The following IGF2BP1 variants were observed in gnomAD, a reference collection of about 807,000 sequenced individuals.
IGF2BP1 encodes insulin like growth factor 2 mRNA binding protein 1.
IGF2BP1 carries 11 observed loss-of-function variants against 74.9 expected under a neutral mutation model. The ratio of observed to expected loss-of-function variants is 0.15; its 90% CI spans 0.09 to 0.24. The LOEUF (loss-of-function observed/expected upper bound fraction) is 0.24, where lower values mean the gene tolerates loss of function less well. Among genes scored for constraint, IGF2BP1 ranks in the 10% least tolerant of loss-of-function variants. IGF2BP1 has a pLI of 1.00. For missense variants in IGF2BP1, 440 were observed against 757.4 expected, an observed-to-expected ratio of 0.58 and a Z score of 4.92; for synonymous variants, 287 against 281.8, an observed-to-expected ratio of 1.02 and a Z score of -0.18.
At chr17:49,034,276 C>T (rs2041958274) in intron 5 of IGF2BP1, among the ~76,000 whole-genome samples, 2 of 151,916 alleles carry the variant, frequency 1.3e-5, no homozygotes, top group African/African-American at 2.4e-5. Flanking sequence ...TGCCACCATG[C>T]CTGGCAATTT....
intron 9 of IGF2BP1, among the ~76,000 whole-genome samples, chr17:49,042,738 G>A (rs891429310): frequency 1.3e-5 from 2 of 151,950 alleles, no homozygotes; most frequent in African/African-American, 2.4e-5. Context: ...GCACAATGGC[G>A]CAATCATAGC....
chr17:49,020,299 C>T (rs537424216), intron 2 of IGF2BP1, among the ~76,000 whole-genome samples: 1 of 152,200 alleles, frequency 6.6e-6, no homozygotes, highest in Admixed American at 6.5e-5. Flanking sequence ...ACCTCGGTCT[C>T]CCAGGGTGCT....
At chr17:49,040,201 G>A in intron 7 of IGF2BP1, 110 bp downstream of exon 7, 1 of 1,199,556 alleles carries the variant, frequency 8.3e-7, no homozygotes, top group Admixed American at 2.2e-5. Context: ...GTCAGCAATT[G>A]CACAAAAAGA....
At position 48,999,170 on chromosome 17, in the gene IGF2BP1, G is replaced by A; in HGVS notation, c.236+1G>A. On this transcript the variant is annotated splice_donor_variant, in intron 2 of 14. Coordinates refer to ENST00000290341, the MANE Select transcript of IGF2BP1 (RefSeq NM_006546.4). LOFTEE classifies it high-confidence loss of function. ...AACATTCGGTGCCCAAAAAACAAAG[G>A]TAGGAAAGAGCTCTTTTCGGGGGGG... 9.2e-7 allele frequency: 1 copy of A among 1,091,068 alleles called. No individual in the cohort carries two copies. The highest frequency in any genetic ancestry group is 1.3e-6 in the Non-Finnish European group (1 of 758,866). 67.6% of individuals were successfully genotyped at this position (1,091,068 alleles called of 1,614,324 possible).
chr17:49,015,673 C>T (rs563319161), intron 2 of IGF2BP1, among the ~76,000 whole-genome samples: 1 of 152,334 alleles, frequency 6.6e-6, no homozygotes, highest in African/African-American at 2.4e-5. Context: ...CACTTCTCCC[C>T]TTTGGGAGCC....
chr17:49,052,435 G>A lies in IGF2BP1; in HGVS notation c.*2991G>A, dbSNP rs1026785598. The A allele has an allele frequency of 6.6e-6, 1 of 152,160 alleles. No homozygotes were observed. Among genetic ancestry groups the A allele is most frequent in the Admixed American group, 6.5e-5 (1 of 15,274 alleles). The allele number at this position is 152,160 out of a possible 1,614,324, so 9.4% of individuals were successfully genotyped here. On this transcript the variant is annotated 3_prime_UTR_variant, in exon 15 of 15. Coordinates refer to ENST00000290341, the MANE Select transcript of IGF2BP1 (RefSeq NM_006546.4). ...TGGGGGCCTGCTCCCTTCACACCTT[G>A]AGCCCAAGTCCTTTTCCGTTGGCTG...
chr17:49,039,686 A>C (rs1024276009), intron 6 of IGF2BP1, among the ~76,000 whole-genome samples: 1 of 151,846 alleles, frequency 6.6e-6, no homozygotes, highest in Non-Finnish European at 1.5e-5. Context: ...CTCGGCCTCC[A>C]AAAGTGCTGG....
chr17:49,026,699 T>TCCTGCCTTCCTGCCTTCCTGCCTTCCTG (rs2041861849), intron 4 of IGF2BP1, among the ~76,000 whole-genome samples, 182 bp downstream of exon 4: 1 of 107,038 alleles, frequency 9.3e-6, no homozygotes, highest in Non-Finnish European at 2.4e-5. Context: ...CTTCCTGCCT[T>TCCTGCCTTCCTGCCTTCCTGCCTTCCTG]CCTGCCTTCC....
rs533904018 is a variant in IGF2BP1 at position 49,052,038 on chromosome 17, A to C, written c.*2594A>C. 2.6e-5 allele frequency: 4 copies of C among 152,282 alleles called. No homozygotes were observed. The highest frequency in any genetic ancestry group is 9.6e-5 in the African/African-American group (4 of 41,546). The allele number at this position is 152,282 out of a possible 1,614,324, so 9.4% of individuals were successfully genotyped here. A position where few individuals can be genotyped will look rare whatever the true frequency, so the allele number is the denominator to read the frequency against. On this transcript the variant is annotated 3_prime_UTR_variant, in exon 15 of 15. Coordinates refer to ENST00000290341, the MANE Select transcript of IGF2BP1 (RefSeq NM_006546.4). The stretch of plus-strand genomic sequence containing the variant: ...AGGGTGGCTGGTGGCAAGGAGGGGC[A>C]GGGGATATGGGGACGTGACTGGGAC...
At position 49,038,874 on chromosome 17, in the gene IGF2BP1, A is replaced by ATCTTTTTTTTTTTTTT. The variant is rs1491495832; in HGVS notation, c.683+426_683+427insCTTTTTTTTTTTTTTT. Among the ~76,000 whole-genome samples the ATCTTTTTTTTTTTTTT allele has an allele frequency of 1.7e-4, 13 of 75,280 alleles. 1 individual carries two copies. The highest frequency in any genetic ancestry group is 5.6e-4 in the African/African-American group (10 of 17,866). 49.4% of individuals were successfully genotyped at this position (75,280 alleles called of 152,430 possible). ...CTGCCACTGCCACCTTCTTTCTTTAATATTTTTTTTTTTTTTTTTTTGAGA... is the reference window on the plus strand; with the variant it reads ...CTGCCACTGCCACCTTCTTTCTTTAATCTTTTTTTTTTTTTTTATTTTTTTTTTTTTTTTTTTGAGA... On this transcript the variant is annotated intron_variant, in intron 6 of 14. Coordinates refer to ENST00000290341, the MANE Select transcript of IGF2BP1 (RefSeq NM_006546.4).
Position 48,997,534 on chromosome 17 carries a change from TCTC to T in IGF2BP1, c.-209_-207del, listed in dbSNP as rs777017487. ...CGTCTCCCTGCGCGCCGCGGGCACT[TCTC>T]CTGGGCTCTCCCCGAACTCTCCCGC... On this transcript the variant is annotated 5_prime_UTR_variant, in exon 1 of 15. Coordinates refer to ENST00000290341, the MANE Select transcript of IGF2BP1 (RefSeq NM_006546.4). The surrounding 1 kb of genome is among the most constrained non-coding windows in gnomAD (Gnocchi z 4.8). The T allele has an allele frequency of 2.6e-4, 140 of 532,430 alleles. No homozygotes were observed. The highest frequency in any genetic ancestry group is 9.8e-4 in the Middle Eastern group (2 of 2,042). The allele number at this position is 532,430 out of a possible 1,614,324, so 33.0% of individuals were successfully genotyped here. A position where few individuals can be genotyped will look rare whatever the true frequency, so the allele number is the denominator to read the frequency against.
chr17:49,049,352 A>G lies in IGF2BP1; in HGVS notation c.1642A>G (p.Met548Val), dbSNP rs2042141536. Residue 548 changes from methionine to valine, a missense_variant and splice_region_variant, in exon 15 of 15, where the codon ATG becomes GTG. Met to Val is a conservative substitution (Grantham distance 21, BLOSUM62 1). Around this residue, in one of 5 missense-constraint regions of IGF2BP1, gnomAD observed 117 missense variants for 237.2 expected, o/e 0.49. Coordinates refer to ENST00000290341, the MANE Select transcript of IGF2BP1 (RefSeq NM_006546.4). ...KIIGHFYASQ[M>V]AQRKIRDILA... is the part of the protein sequence containing the mutation. ...ACTCTCTTGCCTGTTCTTGCTGCAG[A>G]TGGCTCAACGGAAGATCCGAGACAT... 3.1e-6 allele frequency: 5 copies of G among 1,613,880 alleles called. No homozygotes were observed. The highest frequency in any genetic ancestry group is 4.2e-6 in the Non-Finnish European group (5 of 1,179,950).
rs1400481466 is a variant in IGF2BP1 at position 48,997,958 on chromosome 17, G to A, written c.175+38G>A. ...CCACCTCCCGGAAAAGCCACAACGA[G>A]AGCCCCGAACAACGGAGACCCGCAC... On this transcript the variant is annotated intron_variant, in intron 1 of 14. Transcript: ENST00000290341. This position sits in a 1 kb window ranked among gnomAD's most constrained non-coding sequence, Gnocchi z 4.8. 6.2e-7 allele frequency: 1 copy of A among 1,603,004 alleles called. No homozygotes were observed. Among genetic ancestry groups the A allele is most frequent in the Non-Finnish European group, 8.5e-7 (1 of 1,173,862 alleles).
chr17:49,003,927 T>G (rs1275323648), intron 2 of IGF2BP1, among the ~76,000 whole-genome samples: 1 of 151,934 alleles, frequency 6.6e-6, no homozygotes, highest in African/African-American at 2.4e-5. Flanking sequence ...AGGGCAAGGC[T>G]ATATTTGCTT....
In IGF2BP1 at chr17:49,050,308, C is replaced by T. The variant is rs927279213; in HGVS notation, c.*864C>T. 5.9e-5 allele frequency: 9 copies of T among 152,620 alleles called. No homozygotes were observed. Among genetic ancestry groups the T allele is most frequent in the African/African-American group, 2.2e-4 (9 of 41,426 alleles). 9.5% of individuals were successfully genotyped at this position (152,620 alleles called of 1,614,324 possible). Reference sequence around the variant, plus strand: ...CAGCAGGGTAGGGGCTGACCACTGTCCCTGATTCCCATCGTTCTCAGGCGG... The same window carrying T: ...CAGCAGGGTAGGGGCTGACCACTGTTCCTGATTCCCATCGTTCTCAGGCGG... On this transcript the variant is annotated 3_prime_UTR_variant, in exon 15 of 15. Coordinates refer to ENST00000290341, the MANE Select transcript of IGF2BP1 (RefSeq NM_006546.4).
intron 5 of IGF2BP1, among the ~76,000 whole-genome samples, chr17:49,034,757 A>AAC (rs1310693831): frequency 1.1e-4 from 9 of 79,410 alleles, no homozygotes; most frequent in African/African-American, 5.6e-4. Flanking sequence ...CAAAAAAAAC[A>AAC]AAAAAAACAA....
intron 2 of IGF2BP1, among the ~76,000 whole-genome samples, chr17:49,002,320 AT>A (rs2041497005): frequency 6.6e-6 from 1 of 152,170 alleles, no homozygotes; most frequent in African/African-American, 2.4e-5. Context: ...ATGGCAAAAA[AT>A]ATTTTAAATA....
At chr17:49,040,987 T>G (rs1161501743) in intron 7 of IGF2BP1, among the ~76,000 whole-genome samples, 1 of 152,176 alleles carries the variant, frequency 6.6e-6, no homozygotes, top group Non-Finnish European at 1.5e-5. Context: ...TAGACCAGCC[T>G]GGGCAACATA....
At chr17:49,041,569 A>G (rs1285719825) in intron 8 of IGF2BP1, 69 bp downstream of exon 8, 7 of 1,590,354 alleles carry the variant, frequency 4.4e-6, no homozygotes, top group Non-Finnish European at 6.0e-6. Context: ...GTATTTCATC[A>G]TGGAACCTTG....
Sources: gnomAD v4.1 joint callset for allele counts (sites outside exome capture counted in the v4.1 genomes callset) on GRCh38, gnomAD v4.1.1 for gene constraint, gnomAD v4.1.1 regional missense constraint, Gnocchi (gnomAD v3.1) non-coding constraint, MANE v1.5 for transcripts, NCBI Gene and HGNC (gene_info 2026-07-23, HGNC 2026-07-21) for gene names.